The following SESN1 variants were observed in gnomAD, a reference collection of about 807,000 sequenced individuals.
SESN1 encodes the protein sestrin 1, also known as sestrin-1.
A neutral mutation model predicts 59.3 loss-of-function variants in SESN1; 30 were observed. The ratio of observed to expected loss-of-function variants is 0.51; its 90% CI spans 0.38 to 0.69. The LOEUF (loss-of-function observed/expected upper bound fraction) is 0.69, where lower values mean the gene tolerates loss of function less well. Among genes scored for constraint, SESN1 ranks in the 30% least tolerant of loss-of-function variants. The probability of loss-of-function intolerance (pLI) is 0.00; values close to 1 mark genes in which losing one functional copy is unlikely to be tolerated. For synonymous variants in SESN1, 197 were observed against 219.9 expected (o/e 0.90, Z 0.92); for missense variants, 566 against 673.0 (o/e 0.84, Z 1.76).
At chr6:109,091,874 C>A (rs549881648) in intron 1 of SESN1, among the ~76,000 whole-genome samples, 1 of 152,298 alleles carries the variant, frequency 6.6e-6, no homozygotes, top group South Asian at 2.1e-4. Context: ...TCTATTCAGA[C>A]TACTGATGAA....
At chr6:108,992,426 T>C (rs12215614) in intron 7 of SESN1, among the ~76,000 whole-genome samples, 16,302 of 152,142 alleles carry the variant, frequency 0.11, 1,000 homozygotes, top group Middle Eastern at 0.19. Context: ...CCCTTAGTTT[T>C]TTGAGCAAAG....
chr6:109,089,308 T>C (rs1400191755), intron 1 of SESN1, among the ~76,000 whole-genome samples: 2 of 152,216 alleles, frequency 1.3e-5, no homozygotes, highest in African/African-American at 4.8e-5. Flanking sequence ...GCTAAAATGG[T>C]AGGCAGTGAA....
intron 4 of SESN1, chr6:109,000,236 A>G (rs1227418745): frequency 3.4e-6 from 1 of 293,554 alleles, no homozygotes; most frequent in Admixed American, 5.1e-5. Context: ...GACATTAGGC[A>G]TTTGTCAAAA....
At chr6:109,042,054 A>T (rs572616327) in intron 1 of SESN1, among the ~76,000 whole-genome samples, 159 of 152,252 alleles carry the variant, frequency 1.0e-3, no homozygotes, top group African/African-American at 3.6e-3. Context: ...GATAATAGGA[A>T]AATGGAAGCC....
At chr6:109,009,374 GC>G (rs1372669411) in intron 1 of SESN1, 5 of 1,467,620 alleles carry the variant, frequency 3.4e-6, no homozygotes, top group Middle Eastern at 2.0e-4. Context: ...CCTGGTCGCG[GC>G]CCCCGCCGCA....
Position 109,009,466 on chromosome 6 carries a change from C to G in SESN1, c.280-7123G>C, listed in dbSNP as rs748943317. 5.5e-6 allele frequency: 7 copies of G among 1,279,720 alleles called. No individual in the cohort carries two copies. In the South Asian group the frequency reaches 1.8e-4, roughly 33 times the overall value. The allele number at this position is 1,279,720 out of a possible 1,614,324, so 79.3% of individuals were successfully genotyped here. A position where few individuals can be genotyped will look rare whatever the true frequency, so the allele number is the denominator to read the frequency against. On this transcript the variant is annotated intron_variant, in intron 1 of 9. Transcript: ENST00000436639. ...GCGGCGGCGGCCAAGCGCATGTCGGCGCGGGGACGGCTGCGGACGCGCGGA... is the reference window on the plus strand; with the variant it reads ...GCGGCGGCGGCCAAGCGCATGTCGGGGCGGGGACGGCTGCGGACGCGCGGA...
chr6:109,072,312 A>T (rs1583295969), intron 1 of SESN1, among the ~76,000 whole-genome samples: 1 of 152,242 alleles, frequency 6.6e-6, no homozygotes, highest in African/African-American at 2.4e-5. Context: ...TGTGTGAATT[A>T]GCCATAAATA....
At chr6:109,046,731 C>T (rs1198783060) in intron 1 of SESN1, among the ~76,000 whole-genome samples, 1 of 136,742 alleles carries the variant, frequency 7.3e-6, no homozygotes, top group Non-Finnish European at 1.6e-5. Context: ...GCCTCTGCCC[C>T]GCCGCCCCAT....
At chr6:109,050,438 C>G (rs1780524886) in intron 1 of SESN1, among the ~76,000 whole-genome samples, 1 of 150,732 alleles carries the variant, frequency 6.6e-6, no homozygotes, top group African/African-American at 2.4e-5. Context: ...CATAGACTTT[C>G]CATCTTGCAA....
chr6:109,062,628 T>G (rs1780750802), intron 1 of SESN1, among the ~76,000 whole-genome samples: 1 of 152,164 alleles, frequency 6.6e-6, no homozygotes, highest in African/African-American at 2.4e-5. Flanking sequence ...GACACAGAAA[T>G]AGCTGTATTA....
intron 1 of SESN1, among the ~76,000 whole-genome samples, chr6:109,077,691 T>A (rs1361015765): frequency 2.0e-5 from 3 of 152,208 alleles, no homozygotes; most frequent in African/African-American, 7.2e-5. Context: ...TTCTTCTCAA[T>A]GAGAATGCCT....
chr6:109,056,728 GTACATATT>G (rs1780638895), intron 1 of SESN1, among the ~76,000 whole-genome samples: 16 of 152,272 alleles, frequency 1.1e-4, no homozygotes, highest in Admixed American at 7.8e-4. Context: ...TCACTGTGTA[GTACATATT>G]TGTGATGTGT....
intron 1 of SESN1, among the ~76,000 whole-genome samples, chr6:109,005,835 T>C (rs1464479546): frequency 6.6e-6 from 1 of 152,220 alleles, no homozygotes. Flanking sequence ...TTTTACAAAT[T>C]ATACAAACGT....
chr6:109,009,560 G>A (rs1242694004), intron 1 of SESN1: 10 of 1,121,024 alleles, frequency 8.9e-6, no homozygotes, highest in Admixed American at 4.9e-5. Context: ...GACGGCGGGG[G>A]GGCGGGGCGG....
chr6:109,065,616 T>C (rs1780811668), intron 1 of SESN1, among the ~76,000 whole-genome samples: 1 of 152,040 alleles, frequency 6.6e-6, no homozygotes, highest in African/African-American at 2.4e-5. Flanking sequence ...AGCAAGATAT[T>C]GGGCCATTGT....
At chr6:109,084,950 CT>C (rs1781188412) in intron 1 of SESN1, among the ~76,000 whole-genome samples, 1 of 151,940 alleles carries the variant, frequency 6.6e-6, no homozygotes, top group African/African-American at 2.4e-5. Context: ...AAAATACCAA[CT>C]GGGAAAATCT....
intron 1 of SESN1, among the ~76,000 whole-genome samples, chr6:109,033,905 A>T (rs1780218454): frequency 6.6e-6 from 1 of 152,226 alleles, no homozygotes; most frequent in South Asian, 2.1e-4. Context: ...AAGCATTCGT[A>T]AAGAAGCGGA....
At chr6:108,990,575 G>A in intron 8 of SESN1, 70 bp downstream of exon 8, 3 of 1,364,090 alleles carry the variant, frequency 2.2e-6, no homozygotes, top group South Asian at 1.2e-5. Context: ...ATGTGCATGT[G>A]CGCTCCAAGC....
chr6:109,090,834 A>G (rs1294436400), intron 1 of SESN1, among the ~76,000 whole-genome samples: 5 of 152,200 alleles, frequency 3.3e-5, no homozygotes, highest in Admixed American at 3.3e-4. Context: ...CAATGAGACA[A>G]TCACAGCTCA....
Sources: allele counts gnomAD v4.1 joint callset (sites outside exome capture counted in the v4.1 genomes callset), GRCh38; gene constraint gnomAD v4.1.1; transcripts MANE v1.5; gene names NCBI Gene and HGNC (gene_info 2026-07-23, HGNC 2026-07-21).